The following CEMIP variants were observed in gnomAD, a reference collection of about 807,000 sequenced individuals.
CEMIP encodes the protein cell migration-inducing and hyaluronan-binding protein.
CEMIP carries 105 observed loss-of-function variants against 156.9 expected under a neutral mutation model. That is an observed-to-expected ratio of 0.67 (90% CI 0.57 to 0.79). The LOEUF is 0.79. Among genes scored for constraint, CEMIP ranks in the 30% least tolerant of loss-of-function variants. The pLI is 0.00. For synonymous variants in CEMIP, 676 were observed against 668.4 expected, an observed-to-expected ratio of 1.01 and a Z score of -0.17; for missense variants, 1,457 against 1,769.4, an observed-to-expected ratio of 0.82 and a Z score of 3.17.
intron 1 of CEMIP, among the ~76,000 whole-genome samples, chr15:80,865,636 A>G (rs1177415199): frequency 6.6e-6 from 1 of 151,110 alleles, no homozygotes; most frequent in Admixed American, 6.6e-5. Flanking sequence ...ATATCATGAA[A>G]ATTATGCACA....
chr15:80,866,774 A>T (rs1277461213), intron 1 of CEMIP, among the ~76,000 whole-genome samples: 1 of 140,128 alleles, frequency 7.1e-6, no homozygotes, highest in Admixed American at 7.9e-5. Context: ...CAACAAGAAC[A>T]AAACTCTGTC....
intron 3 of CEMIP, among the ~76,000 whole-genome samples, chr15:80,876,393 A>G (rs1898479040): frequency 6.6e-6 from 1 of 152,220 alleles, no homozygotes; most frequent in Admixed American, 6.5e-5. Context: ...TTACGTTAAA[A>G]TGGAAAGTCC....
At chr15:80,811,958 G>T (rs759706491) in intron 1 of CEMIP, among the ~76,000 whole-genome samples, 3 of 152,102 alleles carry the variant, frequency 2.0e-5, no homozygotes, top group Non-Finnish European at 4.4e-5. Flanking sequence ...GTGCCTGGGA[G>T]CTCACACTCA....
At chr15:80,883,259 T>G (rs1012029341) in intron 6 of CEMIP, among the ~76,000 whole-genome samples, 10 of 152,216 alleles carry the variant, frequency 6.6e-5, no homozygotes, top group African/African-American at 2.4e-4. Context: ...ATTGTGTCTT[T>G]GCTTTGTAAA....
rs1240441694 is a variant in CEMIP, at chr15:80,794,172, G to T, written c.-176+14558G>T. ...ACCTAGTAGTCCCATCTGGCCCCTA[G>T]AGAGGGTTGTAGCTTGTTCCAAATG... On this transcript the variant is annotated intron_variant, in intron 1 of 29. Coordinates refer to ENST00000394685, the MANE Select transcript of CEMIP (RefSeq NM_001293298.2). Among the ~76,000 whole-genome samples, 6 of 152,194 alleles carry T rather than the reference G, an allele frequency of 3.9e-5. No homozygotes were observed. In the East Asian group the frequency reaches 1.2e-3, roughly 29 times the overall value.
rs769389649 is a variant in CEMIP, at chr15:80,889,470, G to C, written c.965-1G>C. 6.2e-6 allele frequency: 10 copies of C among 1,614,030 alleles called. No homozygotes were observed. The East Asian group carries it at 2.2e-4, about 36-fold the overall frequency. ...GACTGTGCTGTTTGCTTTCTGCCTA[G>C]ACGTGGAGTGGACGGAGTGGTTCGA... On this transcript the variant is annotated splice_acceptor_variant, in intron 9 of 29. Transcript: ENST00000394685. LOFTEE classifies it high-confidence loss of function.
rs1465414567 is a variant in CEMIP, at chr15:80,949,209, G to A, written c.*285G>A. On this transcript the variant is annotated 3_prime_UTR_variant, in exon 30 of 30. Transcript: ENST00000394685. The stretch of plus-strand genomic sequence containing the variant: ...TCTCTCCTATCTGTGCCTCTTCAGT[G>A]GGGGTTTGGGGACCATATCAGGAGA... 2 of 462,508 alleles carry A rather than the reference G, an allele frequency of 4.3e-6. No homozygotes were observed. Among genetic ancestry groups the A allele is most frequent in the Non-Finnish European group, 4.0e-6 (1 of 249,954 alleles). The allele number at this position is 462,508 out of a possible 1,614,324, so 28.7% of individuals were successfully genotyped here. A position where few individuals can be genotyped will look rare whatever the true frequency, so the allele number is the denominator to read the frequency against.
chr15:80,925,570 C>T, intron 18 of CEMIP, 54 bp from the exon 19 acceptor site: 1 of 1,602,564 alleles, frequency 6.2e-7, no homozygotes, highest in East Asian at 2.2e-5. Context: ...AGGGAGTCAG[C>T]AGAGGCGTGC....
At chr15:80,788,300 G>C (rs1881999556) in intron 1 of CEMIP, among the ~76,000 whole-genome samples, 1 of 151,798 alleles carries the variant, frequency 6.6e-6, no homozygotes, top group Non-Finnish European at 1.5e-5. Flanking sequence ...GTGAAATGCT[G>C]TCTCTACTAA....
At chr15:80,855,222 C>T (rs1306871236) in intron 1 of CEMIP, among the ~76,000 whole-genome samples, 2 of 152,094 alleles carry the variant, frequency 1.3e-5, no homozygotes, top group Non-Finnish European at 2.9e-5. Context: ...AGTCAAAGCT[C>T]CTCCTCACCA....
At chr15:80,809,258 C>T (rs1177769828) in intron 1 of CEMIP, among the ~76,000 whole-genome samples, 1 of 152,074 alleles carries the variant, frequency 6.6e-6, no homozygotes, top group East Asian at 1.9e-4. Context: ...CCCAAATGCC[C>T]AGCTGTAGGG....
intron 1 of CEMIP, among the ~76,000 whole-genome samples, chr15:80,835,711 T>C (rs1228898164): frequency 1.3e-5 from 2 of 152,232 alleles, no homozygotes; most frequent in East Asian, 3.8e-4. Flanking sequence ...CCAGGGTTGG[T>C]GGGCACCTGG....
intron 21 of CEMIP, 84 bp from the exon 22 acceptor site, chr15:80,931,775 G>A (rs1469510212): frequency 1.0e-5 from 14 of 1,378,300 alleles, no homozygotes; most frequent in Non-Finnish European, 1.2e-5. Flanking sequence ...GGGCAAACAT[G>A]GCGTTTAGAC....
intron 14 of CEMIP, among the ~76,000 whole-genome samples, chr15:80,912,454 G>A (rs1900107516): frequency 6.6e-6 from 1 of 152,224 alleles, no homozygotes; most frequent in African/African-American, 2.4e-5. Flanking sequence ...TTACAGCCTG[G>A]TCTTGGTGGC....
intron 1 of CEMIP, among the ~76,000 whole-genome samples, chr15:80,842,504 G>T (rs1037273396): frequency 1.3e-5 from 2 of 152,136 alleles, no homozygotes; most frequent in South Asian, 4.1e-4. Context: ...GGCTGAGGCG[G>T]GTGGATCACC....
intron 3 of CEMIP, among the ~76,000 whole-genome samples, chr15:80,877,550 A>G (rs1013273854): frequency 6.6e-6 from 1 of 152,204 alleles, no homozygotes; most frequent in East Asian, 1.9e-4. Context: ...GAGCCAGTTC[A>G]TTCTCATCTT....
At chr15:80,942,183 G>C in intron 26 of CEMIP, 68 bp from the exon 27 acceptor site, 3 of 1,499,480 alleles carry the variant, frequency 2.0e-6, no homozygotes, top group Non-Finnish European at 2.8e-6. Context: ...TGTGACTGGG[G>C]ATACGGGAAG....
chr15:80,788,423 A>G (rs950497650), intron 1 of CEMIP, among the ~76,000 whole-genome samples: 6 of 149,324 alleles, frequency 4.0e-5, no homozygotes, highest in African/African-American at 1.5e-4. Flanking sequence ...GTGAGCTGAG[A>G]TTGCGCCACT....
At chr15:80,788,725 C>T (rs1454622811) in intron 1 of CEMIP, among the ~76,000 whole-genome samples, 2 of 151,938 alleles carry the variant, frequency 1.3e-5, no homozygotes, top group Admixed American at 6.6e-5. Flanking sequence ...TGTTTTAGAT[C>T]CATTTGCATG....
Sources: allele counts gnomAD v4.1 joint callset (sites outside exome capture counted in the v4.1 genomes callset), GRCh38; gene constraint gnomAD v4.1.1; transcripts MANE v1.5; gene names NCBI Gene and HGNC (gene_info 2026-07-23, HGNC 2026-07-21).